UNC13C: variants seen among roughly 807,000 people sequenced by gnomAD.
UNC13C encodes the protein unc-13 homolog C, also known as protein unc-13 homolog C.
In UNC13C, 174 loss-of-function variants were observed where a neutral mutation model predicts 245.4. The ratio of observed to expected loss-of-function variants is 0.71; its 90% confidence interval spans 0.63 to 0.80. The LOEUF (loss-of-function observed/expected upper bound fraction) is 0.80. Ranked by LOEUF, UNC13C falls within the 30% of genes least tolerant of loss-of-function variation. UNC13C has a pLI of 0.00. For synonymous variants in UNC13C, 992 were observed against 895.1 expected, an observed-to-expected ratio of 1.11 and a Z score of -1.93; for missense variants, 2,829 against 2,602.9, an observed-to-expected ratio of 1.09 and a Z score of -1.89.
At chr15:54,133,628 T>C (rs1191849615) in intron 2 of UNC13C, among the ~76,000 whole-genome samples, 1 of 152,142 alleles carries the variant, frequency 6.6e-6, no homozygotes, top group Non-Finnish European at 1.5e-5. Flanking sequence ...ACTAGGAACA[T>C]TGGGAGCAGC....
intron 13 of UNC13C, among the ~76,000 whole-genome samples, chr15:54,301,485 G>A (rs1317184259): frequency 1.3e-5 from 2 of 152,008 alleles, no homozygotes; most frequent in African/African-American, 2.4e-5. Flanking sequence ...TCCCCGCCCT[G>A]TGTCCATGTG....
At chr15:54,618,459 C>A (rs1362512881) in intron 30 of UNC13C, among the ~76,000 whole-genome samples, 1 of 152,124 alleles carries the variant, frequency 6.6e-6, no homozygotes, top group Non-Finnish European at 1.5e-5. Flanking sequence ...CTCACTAAAA[C>A]TTTGTTGAAT....
intron 17 of UNC13C, among the ~76,000 whole-genome samples, chr15:54,352,093 G>C (rs2038995698): frequency 6.6e-6 from 1 of 151,604 alleles, no homozygotes; most frequent in Non-Finnish European, 1.5e-5. Context: ...TGGGGTGAAA[G>C]TTAAATATGA....
intron 2 of UNC13C, among the ~76,000 whole-genome samples, chr15:54,058,484 A>G (rs1897647252): frequency 6.6e-6 from 1 of 152,142 alleles, no homozygotes; most frequent in Admixed American, 6.5e-5. Context: ...CTTACCAACC[A>G]AAAAAGTCCA....
chr15:54,166,520 A>G (rs960239228), intron 4 of UNC13C, among the ~76,000 whole-genome samples: 1 of 152,066 alleles, frequency 6.6e-6, no homozygotes, highest in Non-Finnish European at 1.5e-5. Context: ...AGTATAGGCA[A>G]TTAGGCAAGA....
At chr15:54,178,286 A>T (rs1377731127) in intron 4 of UNC13C, among the ~76,000 whole-genome samples, 1 of 151,902 alleles carries the variant, frequency 6.6e-6, no homozygotes, top group Non-Finnish European at 1.5e-5. Flanking sequence ...CTCCCTCCCC[A>T]TATCTTCTCT....
intron 4 of UNC13C, among the ~76,000 whole-genome samples, chr15:54,230,642 G>T (rs937488055): frequency 9.2e-5 from 14 of 151,956 alleles, no homozygotes; most frequent in African/African-American, 3.4e-4. Flanking sequence ...GTACATCTCA[G>T]ATTTTATTAA....
intron 4 of UNC13C, among the ~76,000 whole-genome samples, chr15:54,220,988 A>G (rs2140782420): frequency 6.6e-6 from 1 of 152,152 alleles, no homozygotes; most frequent in South Asian, 2.1e-4. Context: ...TTAGAGGACA[A>G]TATTTTGGAA....
intron 2 of UNC13C, among the ~76,000 whole-genome samples, chr15:54,122,290 G>A (rs938099542): frequency 1.3e-5 from 2 of 151,808 alleles, no homozygotes; most frequent in Non-Finnish European, 2.9e-5. Context: ...GGAAATTTCT[G>A]GAGATTTTCT....
chr15:53,947,219 A>G, the UNC13C span, among the ~76,000 whole-genome samples: 1 of 152,176 alleles, frequency 6.6e-6, no homozygotes, highest in African/African-American at 2.4e-5. Flanking sequence ...GAATTTTCCA[A>G]TAAGGCCTAA....
At chr15:54,190,383 C>T (rs368313577) in intron 4 of UNC13C, among the ~76,000 whole-genome samples, 40 of 152,212 alleles carry the variant, frequency 2.6e-4, no homozygotes, top group Admixed American at 9.8e-4. Flanking sequence ...CTGTACTTCT[C>T]GCCACCCATC....
chr15:54,159,065 A>T (rs944025548), intron 4 of UNC13C, among the ~76,000 whole-genome samples: 3 of 152,100 alleles, frequency 2.0e-5, no homozygotes, highest in African/African-American at 7.2e-5. Context: ...CCCACTTTTC[A>T]TTGGAGTTAG....
chr15:54,583,869 G>C (rs1002136361), intron 30 of UNC13C, among the ~76,000 whole-genome samples: 1 of 152,180 alleles, frequency 6.6e-6, no homozygotes, highest in Admixed American at 6.5e-5. Flanking sequence ...CCAGAGTCCT[G>C]TGAATAAGTC....
intron 22 of UNC13C, 135 bp downstream of exon 22, chr15:54,501,113 T>A: frequency 1.2e-6 from 1 of 830,746 alleles, no homozygotes; most frequent in Non-Finnish European, 1.8e-6. Flanking sequence ...AATTCAGTTG[T>A]TTCCAGGATT....
Position 54,295,694 on chromosome 15 carries a change from A to T in UNC13C, c.3988+1630A>T, listed in dbSNP as rs190295242. Among the ~76,000 whole-genome samples, 9 of 151,302 alleles carry T rather than the reference A, an allele frequency of 5.9e-5. No individual in the cohort carries two copies. The East Asian group carries it at 1.8e-3, about 30-fold the overall frequency. On this transcript the variant is annotated intron_variant, in intron 11 of 32. Coordinates refer to ENST00000260323, the MANE Select transcript of UNC13C (RefSeq NM_001080534.3). ...AAGAAGAAGAACAAAAAGAAAAACC[A>T]TGTACCAGACTATATTCAGAACTTG...
At chr15:54,328,925 A>G (rs1280619346) in intron 14 of UNC13C, among the ~76,000 whole-genome samples, 2 of 152,098 alleles carry the variant, frequency 1.3e-5, no homozygotes, top group Non-Finnish European at 2.9e-5. Flanking sequence ...AATCATGCCT[A>G]TTAGTTTACA....
chr15:54,096,404 G>C (rs1212436149), intron 2 of UNC13C, among the ~76,000 whole-genome samples: 2 of 152,068 alleles, frequency 1.3e-5, no homozygotes, highest in Non-Finnish European at 2.9e-5. Context: ...TTTTAAGAGA[G>C]GAACATGCTG....
chr15:54,539,888 T>C (rs1417898692), intron 26 of UNC13C, among the ~76,000 whole-genome samples: 1 of 152,106 alleles, frequency 6.6e-6, no homozygotes, highest in African/African-American at 2.4e-5. Flanking sequence ...CTTACTAAAG[T>C]ATAATTAGAA....
chr15:54,466,816 CAAAAAGAGAAA>C (rs891229324), intron 19 of UNC13C, among the ~76,000 whole-genome samples: 1 of 151,164 alleles, frequency 6.6e-6, no homozygotes, highest in Non-Finnish European at 1.5e-5. Flanking sequence ...AAATAAAATT[CAAAAAGAGAAA>C]AATGTAATAA....
Sources: allele counts gnomAD v4.1 joint callset (sites outside exome capture counted in the v4.1 genomes callset), GRCh38; gene constraint gnomAD v4.1.1; transcripts MANE v1.5; gene names NCBI Gene and HGNC (gene_info 2026-07-23, HGNC 2026-07-21).